EVC2: variants seen among roughly 807,000 people sequenced by gnomAD.
The protein encoded by EVC2 is EvC ciliary complex subunit 2.
EVC2 carries 148 observed loss-of-function variants against 149.3 expected under a neutral mutation model. The ratio of observed to expected loss-of-function variants is 0.99; its 90% confidence interval spans 0.87 to 1.14. The LOEUF (loss-of-function observed/expected upper bound fraction) is 1.14. Among genes scored for constraint, EVC2 ranks in the 50% most tolerant of loss-of-function variants. The pLI is 0.00. For missense variants in EVC2, 1,854 were observed against 1,627.3 expected (o/e 1.14, Z -2.40); for synonymous variants, 776 against 649.9 (o/e 1.19, Z -2.95).
At chr4:5,593,038 CT>C (rs924309267) in intron 16 of EVC2, among the ~76,000 whole-genome samples, 1 of 152,188 alleles carries the variant, frequency 6.6e-6, no homozygotes, top group African/African-American at 2.4e-5. Context: ...CCTCTTTGCT[CT>C]GCAATTCTCC....
At chr4:5,582,501 A>C (rs908130376) in intron 17 of EVC2, among the ~76,000 whole-genome samples, 1 of 152,150 alleles carries the variant, frequency 6.6e-6, no homozygotes, top group Non-Finnish European at 1.5e-5. Flanking sequence ...AGTGCCTATA[A>C]CTCCATTGCA....
downstream of EVC2, among the ~76,000 whole-genome samples, chr4:5,537,822 C>G (rs1721448214): frequency 6.6e-6 from 1 of 151,988 alleles, no homozygotes; most frequent in Non-Finnish European, 1.5e-5. Context: ...GGCACTAAAT[C>G]CTATATTTAG....
intron 10 of EVC2, among the ~76,000 whole-genome samples, chr4:5,634,652 G>A (rs1445514216): frequency 1.3e-5 from 2 of 152,142 alleles, no homozygotes; most frequent in African/African-American, 4.8e-5. Context: ...ATGTGGACAG[G>A]ACTCCCATGC....
At chr4:5,571,588 G>T (rs1722649344) in intron 19 of EVC2, among the ~76,000 whole-genome samples, 1 of 152,158 alleles carries the variant, frequency 6.6e-6, no homozygotes, top group Non-Finnish European at 1.5e-5. Context: ...CTCTCCACAG[G>T]ATGAAGGAGC....
In EVC2 at chr4:5,625,241, A is replaced by G. The variant is rs1716016678; in HGVS notation, c.2046+508T>C. On this transcript the variant is annotated intron_variant, in intron 13 of 21. Coordinates refer to ENST00000344408, the MANE Select transcript of EVC2 (RefSeq NM_147127.5). The surrounding 1 kb of genome is among the most constrained non-coding windows in gnomAD (Gnocchi z 4.0). ...TCGTCCCTCTGCACACTCCAGCCTCATCATATTCTTAGAGTCCCCAAATAC... is the reference window on the plus strand; with the variant it reads ...TCGTCCCTCTGCACACTCCAGCCTCGTCATATTCTTAGAGTCCCCAAATAC... Among the ~76,000 whole-genome samples, 1 of 151,326 alleles carries G rather than the reference A, an allele frequency of 6.6e-6. No individual in the cohort carries two copies. The highest frequency in any genetic ancestry group is 1.5e-5 in the Non-Finnish European group (1 of 67,906).
downstream of EVC2, among the ~76,000 whole-genome samples, chr4:5,541,750 C>G (rs1721517659): frequency 6.6e-6 from 1 of 152,064 alleles, no homozygotes; most frequent in South Asian, 2.1e-4. Flanking sequence ...TTTTCCTTTT[C>G]TGTAAAAATA....
rs73198182 is a variant in EVC2, at chr4:5,634,358, G to A, written c.1471-2326C>T. On this transcript the variant is annotated intron_variant, in intron 10 of 21. Coordinates refer to ENST00000344408, the MANE Select transcript of EVC2 (RefSeq NM_147127.5). ...GGGCACCGCAGGGGCATTCCGCTAC[G>A]AATGACTAGCTGGTGCCCAGTTATG... Among the ~76,000 whole-genome samples, 553 of 152,286 alleles carry A rather than the reference G, an allele frequency of 3.6e-3. 3 individuals carry two copies. Among genetic ancestry groups the A allele is most frequent in the Non-Finnish European group, 6.3e-3 (431 of 68,006 alleles).
chr4:5,565,588 G>T (rs1319147769), intron 20 of EVC2, among the ~76,000 whole-genome samples: 1 of 150,976 alleles, frequency 6.6e-6, no homozygotes, highest in African/African-American at 2.4e-5. Flanking sequence ...AGAAAGAATC[G>T]CTTGAACCCA....
At chr4:5,681,221 T>G (rs1353790911) in intron 7 of EVC2, 39 bp downstream of exon 7, 2 of 1,610,784 alleles carry the variant, frequency 1.2e-6, no homozygotes. Flanking sequence ...ACAGCACAGG[T>G]GTGTCCTGAG....
chr4:5,691,223 A>C, intron 4 of EVC2, 42 bp downstream of exon 4: 1 of 1,562,406 alleles, frequency 6.4e-7, no homozygotes, highest in South Asian at 1.1e-5. Flanking sequence ...GGCAAAATCC[A>C]ATTATTTTCT....
In EVC2 at chr4:5,637,944, A is replaced by C. The variant is rs1379467920; in HGVS notation, c.1470+2570T>G. ...TTCTTGTTTGTGTATTTGATTTTTA[A>C]AACTCTTTAAAAATGTAAAAAAACA... is the stretch of plus-strand genomic sequence containing the variant. On this transcript the variant is annotated intron_variant, in intron 10 of 21. Transcript: ENST00000344408. This position sits in a 1 kb window ranked among gnomAD's most constrained non-coding sequence, Gnocchi z 4.4. Among the ~76,000 whole-genome samples the C allele has an allele frequency of 6.6e-6, 1 of 152,054 alleles. No homozygotes were observed. The highest frequency in any genetic ancestry group is 1.5e-5 in the Non-Finnish European group (1 of 68,010).
Position 5,640,781 on chromosome 4 carries a change from T to G in EVC2, c.1203A>C (p.Gln401His). ...ADADLEACRT[Q>H]ISKDIIALLL... is the part of the protein sequence containing the mutation. ...GAAGGGCAATGATATCCTTGCTGAT[T>G]TGTGTTCGACAAGCCTCCAGATCTG... Residue 401 changes from glutamine to histidine, a missense_variant, in exon 10 of 22, where the codon CAA becomes CAC. Gln to His is a conservative substitution (Grantham distance 24). Transcript: ENST00000344408. The surrounding 1 kb of genome is among the most constrained non-coding windows in gnomAD (Gnocchi z 4.6). 1 of 1,614,158 alleles carries G rather than the reference T, an allele frequency of 6.2e-7. No individual in the cohort carries two copies. Among genetic ancestry groups the G allele is most frequent in the Non-Finnish European group, 8.5e-7 (1 of 1,180,022 alleles).
At chr4:5,641,670 G>C (rs1304494323) in intron 9 of EVC2, among the ~76,000 whole-genome samples, 2 of 152,200 alleles carry the variant, frequency 1.3e-5, no homozygotes, top group East Asian at 3.9e-4. Flanking sequence ...ATTAATTTAT[G>C]TTATGGTAAA....
intron 2 of EVC2, among the ~76,000 whole-genome samples, chr4:5,695,532 C>A (rs888734582): frequency 6.6e-6 from 1 of 152,112 alleles, no homozygotes; most frequent in Non-Finnish European, 1.5e-5. Flanking sequence ...AACTGTGGGA[C>A]CTTGCACAGG....
At chr4:5,551,392 T>A (rs1355327588) in intron 21 of EVC2, among the ~76,000 whole-genome samples, 1 of 152,228 alleles carries the variant, frequency 6.6e-6, no homozygotes, top group African/African-American at 2.4e-5. Context: ...AGCTGTAAGA[T>A]TTGACTGCCC....
intron 2 of EVC2, 125 bp from the exon 3 acceptor site, chr4:5,694,626 G>C: frequency 1.0e-6 from 1 of 1,002,696 alleles, no homozygotes. Flanking sequence ...GGGTAAGTAA[G>C]TTAATGAAGG....
In EVC2 at chr4:5,681,259, C is replaced by T. The variant is rs2151724043; in HGVS notation, c.870+1G>A. On this transcript the variant is annotated splice_donor_variant, in intron 7 of 21. Coordinates refer to ENST00000344408, the MANE Select transcript of EVC2 (RefSeq NM_147127.5). LOFTEE classifies it high-confidence loss of function. ...TGCTCAGGGCATGTCATGTCTCTTA[C>T]CGTTACGTTTTCTTCTGCTGTTATG... 6.2e-7 allele frequency: 1 copy of T among 1,614,246 alleles called. No individual in the cohort carries two copies. Among genetic ancestry groups the T allele is most frequent in the Non-Finnish European group, 8.5e-7 (1 of 1,180,046 alleles).
At chr4:5,573,671 G>C (rs1722759331) in intron 19 of EVC2, among the ~76,000 whole-genome samples, 1 of 152,228 alleles carries the variant, frequency 6.6e-6, no homozygotes, top group Non-Finnish European at 1.5e-5. Flanking sequence ...TTGTAGCTGT[G>C]ATAAGCTGCT....
At chr4:5,646,871 A>C (rs1322825960) in intron 9 of EVC2, among the ~76,000 whole-genome samples, 1 of 152,214 alleles carries the variant, frequency 6.6e-6, no homozygotes, top group Non-Finnish European at 1.5e-5. Context: ...TAAATTACAA[A>C]TGGATGGGAA....
Sources: gnomAD v4.1 joint callset for allele counts (sites outside exome capture counted in the v4.1 genomes callset) on GRCh38, gnomAD v4.1.1 for gene constraint, Gnocchi (gnomAD v3.1) non-coding constraint, MANE v1.5 for transcripts, NCBI Gene and HGNC (gene_info 2026-07-23, HGNC 2026-07-21) for gene names.